SPEG: variants seen among roughly 807,000 people sequenced by gnomAD.
The protein encoded by SPEG is striated muscle enriched protein kinase.
A neutral mutation model predicts 300.4 loss-of-function variants in SPEG; 114 were observed. The ratio of observed to expected loss-of-function variants is 0.38; its 90% CI spans 0.33 to 0.44. The LOEUF (loss-of-function observed/expected upper bound fraction) is 0.44. Ranked by LOEUF, SPEG falls within the 20% of genes least tolerant of loss-of-function variation. SPEG has a pLI of 1.00. For synonymous variants in SPEG, 1,964 were observed against 2,018.9 expected (o/e 0.97, Z 0.73); for missense variants, 4,201 against 4,586.2 (o/e 0.92, Z 2.43).
chr2:219,437,646 G>A (rs1219463253), intron 1 of SPEG, among the ~76,000 whole-genome samples: 1 of 151,780 alleles, frequency 6.6e-6, no homozygotes, highest in Non-Finnish European at 1.5e-5. Flanking sequence ...GGAGGCCTCA[G>A]TCTGTCCCAC....
At position 219,477,381 on chromosome 2, in the gene SPEG, C is replaced by T; in HGVS notation, c.4665C>T (p.Tyr1555=). 1 of 1,611,162 alleles carries T rather than the reference C, an allele frequency of 6.2e-7. No individual in the cohort carries two copies. Among genetic ancestry groups the T allele is most frequent in the East Asian group, 2.2e-5 (1 of 44,836 alleles). ...LSTGAQDGGV[Y]TCTAQNLAGE... is the part of the protein sequence containing the mutation. The stretch of plus-strand genomic sequence containing the variant: ...CGGGGGCCCAGGATGGAGGCGTCTA[C>T]ACCTGCACCGCCCAGAACCTGGCGG... The change falls in exon 20 of 41, where the codon TAC becomes TAT. Residue 1555 remains tyrosine (Y), a synonymous_variant. Transcript: ENST00000312358. This position sits in a 1 kb window ranked among gnomAD's most constrained non-coding sequence, Gnocchi z 6.4.
At position 219,481,319 on chromosome 2, in the gene SPEG, C is replaced by T. The variant is rs1417880998; in HGVS notation, c.5385C>T (p.Ser1795=). ...VVAFLCLTGI[S]PFVGENDRTT... ...ACCCCTGCAGTCTGACAGGAATCTC[C>T]CCGTTTGTTGGGGAAAATGACCGGA... Residue 1795 remains serine (S), a synonymous_variant, in exon 27 of 41, where the codon TCC becomes TCT. Coordinates refer to ENST00000312358, the MANE Select transcript of SPEG (RefSeq NM_005876.5). The surrounding 1 kb of genome is among the most constrained non-coding windows in gnomAD (Gnocchi z 5.4). 1 of 1,614,032 alleles carries T rather than the reference C, an allele frequency of 6.2e-7. No individual in the cohort carries two copies. The highest frequency in any genetic ancestry group is 1.7e-5 in the Admixed American group (1 of 60,002).
Position 219,462,404 on chromosome 2 carries a change from C to A in SPEG, c.2705+18C>A. ...GTCTCCTGGTGAGTAGCCGCACTTT[C>A]CACCACCCACCAGCGACTCTATGCC... is the stretch of plus-strand genomic sequence containing the variant. On this transcript the variant is annotated intron_variant, in intron 8 of 40. Transcript: ENST00000312358. 6.5e-7 allele frequency: 1 copy of A among 1,544,360 alleles called. No homozygotes were observed. Among genetic ancestry groups the A allele is most frequent in the Non-Finnish European group, 8.8e-7 (1 of 1,140,540 alleles).
chr2:219,468,816 C>T, intron 11 of SPEG, 43 bp from the exon 12 acceptor site: 1 of 1,607,234 alleles, frequency 6.2e-7, no homozygotes, highest in South Asian at 1.1e-5. Flanking sequence ...GGGCAGGGCC[C>T]CTCACTGTGC....
rs559173597 is a variant in SPEG, at chr2:219,459,498, A to G, written c.2441-2384A>G. Among the ~76,000 whole-genome samples the G allele has an allele frequency of 6.6e-5, 10 of 152,226 alleles. No homozygotes were observed. Among genetic ancestry groups the G allele is most frequent in the Admixed American group, 2.6e-4 (4 of 15,304 alleles). ...TCTGGAAGAGGCCTGGGCTGCTCTG[A>G]CAGTCTGTCTCTCCAAGGGGCTTGA... On this transcript the variant is annotated intron_variant, in intron 6 of 40. Transcript: ENST00000312358. This position sits in a 1 kb window ranked among gnomAD's most constrained non-coding sequence, Gnocchi z 4.9.
Position 219,444,079 on chromosome 2 carries a change from T to G in SPEG, c.389-574T>G, listed in dbSNP as rs373806192. On this transcript the variant is annotated intron_variant, in intron 1 of 40. Coordinates refer to ENST00000312358, the MANE Select transcript of SPEG (RefSeq NM_005876.5). This position sits in a 1 kb window ranked among gnomAD's most constrained non-coding sequence, Gnocchi z 7.8. Reference sequence around the variant, plus strand: ...GTTACGGTAGGAAACTGGCTCCTGCTCTAGCCCCCCGCATCCCCCCCTTTC... The same window carrying G: ...GTTACGGTAGGAAACTGGCTCCTGCGCTAGCCCCCCGCATCCCCCCCTTTC... The G allele has an allele frequency of 2.9e-6, 4 of 1,362,674 alleles. No homozygotes were observed. The highest frequency in any genetic ancestry group is 3.9e-6 in the Non-Finnish European group (4 of 1,020,236). 84.4% of individuals were successfully genotyped at this position (1,362,674 alleles called of 1,614,324 possible).
chr2:219,484,824 G>A lies in SPEG; in HGVS notation c.7361G>A (p.Arg2454His), dbSNP rs1331440025. The A allele has an allele frequency of 6.7e-7, 1 of 1,501,790 alleles. No homozygotes were observed. The highest frequency in any genetic ancestry group is 2.1e-5 in the Admixed American group (1 of 47,074). The allele number at this position is 1,501,790 out of a possible 1,614,324, so 93.0% of individuals were successfully genotyped here. A position where few individuals can be genotyped will look rare whatever the true frequency, so the allele number is the denominator to read the frequency against. ...CGGGGCTCCCCGGTGCTGGCGATGC[G>A]CAGGCGGCTGAGCTTCACCCTGGAG... ...SARGSPVLAMRRRLSFTLERL... is the reference protein window; with the variant it reads ...SARGSPVLAMHRRLSFTLERL... The change falls in exon 30 of 41, where the codon CGC (arginine) becomes CAC (histidine). Residue 2454 changes from arginine to histidine, a missense_variant. Arg to His is a conservative substitution (Grantham distance 29, BLOSUM62 0). This residue lies in a region of SPEG where 1,578 missense variants were observed against 1,506.0 expected (regional missense o/e 1.05). Transcript: ENST00000312358.
At position 219,484,743 on chromosome 2, in the gene SPEG, C is replaced by G; in HGVS notation, c.7280C>G (p.Pro2427Arg). The change falls in exon 30 of 41, where the codon CCG becomes CGG. Residue 2427 changes from proline (P) to arginine (R), a missense_variant. Physicochemically the swap from Pro to Arg is moderately radical, Grantham distance 103. Coordinates refer to ENST00000312358, the MANE Select transcript of SPEG (RefSeq NM_005876.5). Reference protein sequence around the residue: ...LRRTPPAQRHPAWEARGGDGE... With the variant: ...LRRTPPAQRHRAWEARGGDGE... The stretch of plus-strand genomic sequence containing the variant: ...CGGACCCCTCCCGCGCAGCGCCACC[C>G]GGCCTGGGAGGCCCGCGGCGGGGAC... 1 of 1,471,660 alleles carries G rather than the reference C, an allele frequency of 6.8e-7. No individual in the cohort carries two copies. The highest frequency in any genetic ancestry group is 8.9e-7 in the Non-Finnish European group (1 of 1,123,476). 91.2% of individuals were successfully genotyped at this position (1,471,660 alleles called of 1,614,324 possible). A position where few individuals can be genotyped will look rare whatever the true frequency, so the allele number is the denominator to read the frequency against.
chr2:219,490,545 G>A lies in SPEG; in HGVS notation c.9058G>A (p.Glu3020Lys), dbSNP rs368875454. ...EYEVLRTLHH[E>K]RIMSLHEAYI... ...CGAGGTGCTGCGGACCCTGCACCAC[G>A]AGCGGATCATGTCCCTGCACGAGGC... Residue 3020 changes from glutamate to lysine, a missense_variant, in exon 37 of 41, where the codon GAG becomes AAG. Transcript: ENST00000312358. The A allele has an allele frequency of 1.4e-5, 23 of 1,613,532 alleles. No homozygotes were observed. The highest frequency in any genetic ancestry group is 1.2e-4 in the South Asian group (11 of 91,088).
intron 6 of SPEG, chr2:219,460,688 C>G: frequency 1.0e-6 from 1 of 985,548 alleles, no homozygotes; most frequent in Non-Finnish European, 1.2e-6. Flanking sequence ...CTCTCCTCCC[C>G]CTCCACACCA....
In SPEG at chr2:219,490,555, T is replaced by C; in HGVS notation, c.9068T>C (p.Met3023Thr). The C allele has an allele frequency of 6.2e-7, 1 of 1,613,902 alleles. No individual in the cohort carries two copies. Among genetic ancestry groups the C allele is most frequent in the Non-Finnish European group, 8.5e-7 (1 of 1,180,022 alleles). ...CGGACCCTGCACCACGAGCGGATCATGTCCCTGCACGAGGCCTACATCACC... is the reference window on the plus strand; with the variant it reads ...CGGACCCTGCACCACGAGCGGATCACGTCCCTGCACGAGGCCTACATCACC... ...VLRTLHHERI[M>T]SLHEAYITPR... Residue 3023 changes from methionine (M) to threonine (T), a missense_variant, in exon 37 of 41, where the codon ATG becomes ACG. Met to Thr is a moderately conservative substitution (Grantham distance 81). Coordinates refer to ENST00000312358, the MANE Select transcript of SPEG (RefSeq NM_005876.5).
In SPEG at chr2:219,435,290, G is replaced by A; in HGVS notation, c.313G>A (p.Val105Met). 6.6e-7 allele frequency: 1 copy of A among 1,518,256 alleles called. No individual in the cohort carries two copies. The highest frequency in any genetic ancestry group is 8.8e-7 in the Non-Finnish European group (1 of 1,140,698). The allele number at this position is 1,518,256 out of a possible 1,614,324, so 94.0% of individuals were successfully genotyped here. ...GCGCTGCGGGGCGCAGGACGCCGGCGTGTACAGCTGCATGGCCCAGAACGA... is the reference window on the plus strand; with the variant it reads ...GCGCTGCGGGGCGCAGGACGCCGGCATGTACAGCTGCATGGCCCAGAACGA... ...LRRCGAQDAGVYSCMAQNERG... is the reference protein window; with the variant it reads ...LRRCGAQDAGMYSCMAQNERG... Residue 105 changes from valine (V) to methionine (M), a missense_variant, in exon 1 of 41, where the codon GTG becomes ATG. Coordinates refer to ENST00000312358, the MANE Select transcript of SPEG (RefSeq NM_005876.5).
At position 219,448,673 on chromosome 2, in the gene SPEG, G is replaced by A. The variant is rs1278739495; in HGVS notation, c.1515G>A (p.Thr505=). 1 of 1,492,378 alleles carries A rather than the reference G, an allele frequency of 6.7e-7. No homozygotes were observed. Among genetic ancestry groups the A allele is most frequent in the Middle Eastern group, 2.3e-4 (1 of 4,270 alleles). The allele number at this position is 1,492,378 out of a possible 1,614,324, so 92.4% of individuals were successfully genotyped here. A position where few individuals can be genotyped will look rare whatever the true frequency, so the allele number is the denominator to read the frequency against. The change falls in exon 4 of 41, where the codon ACG becomes ACA. Residue 505 remains threonine (T), a synonymous_variant. Transcript: ENST00000312358. The part of the protein sequence containing the change: ...AQELGRIRRS[T]SREELVRSHE... Reference sequence around the variant, plus strand: ...AGCTGGGCCGCATCCGCCGCTCCACGTCGCGGGAGGAGCTGGTGCGCTCGC... The same window carrying A: ...AGCTGGGCCGCATCCGCCGCTCCACATCGCGGGAGGAGCTGGTGCGCTCGC...
Position 219,480,184 on chromosome 2 carries a change from T to C in SPEG, c.5342+44T>C, listed in dbSNP as rs1692703127. On this transcript the variant is annotated intron_variant, in intron 25 of 40. Coordinates refer to ENST00000312358, the MANE Select transcript of SPEG (RefSeq NM_005876.5). This position sits in a 1 kb window ranked among gnomAD's most constrained non-coding sequence, Gnocchi z 5.3. ...GCTGGGCCGACCAGGGCAGCTGCCC[T>C]TGGGGCTGTGCTGGGGACGCGCTCA... 1 of 1,600,862 alleles carries C rather than the reference T, an allele frequency of 6.2e-7. No individual in the cohort carries two copies. The highest frequency in any genetic ancestry group is 8.5e-7 in the Non-Finnish European group (1 of 1,170,434).
chr2:219,449,300 G>T (rs1162435847), intron 4 of SPEG, 29 bp downstream of exon 4: 5 of 1,354,486 alleles, frequency 3.7e-6, no homozygotes, highest in Non-Finnish European at 4.8e-6. Flanking sequence ...CTGACAAGGT[G>T]CCTGAACCCC....
intron 31 of SPEG, among the ~76,000 whole-genome samples, chr2:219,486,763 G>A (rs1444310526): frequency 6.6e-6 from 1 of 152,088 alleles, no homozygotes; most frequent in Non-Finnish European, 1.5e-5. Flanking sequence ...GGGGCTGGCA[G>A]GGCTGGGCCC....
intron 10 of SPEG, 94 bp downstream of exon 10, chr2:219,467,528 C>A: frequency 1.4e-6 from 2 of 1,439,748 alleles, no homozygotes; most frequent in Non-Finnish European, 1.9e-6. Context: ...GGAAACAGAG[C>A]TCCAACCCCG....
At chr2:219,487,896 C>G (rs1234698344) in intron 31 of SPEG, among the ~76,000 whole-genome samples, 1 of 152,212 alleles carries the variant, frequency 6.6e-6, no homozygotes, top group Non-Finnish European at 1.5e-5. Flanking sequence ...AGACCACTTA[C>G]TTAGTGCCAG....
In SPEG at chr2:219,484,265, C is replaced by A; in HGVS notation, c.6802C>A (p.Pro2268Thr). 6.2e-7 allele frequency: 1 copy of A among 1,609,748 alleles called. No homozygotes were observed. ...AQGPSQGPAA[P>T]PSEPKPHAAV... ...GGGCCCCTCGCAGGGCCCTGCCGCGCCGCCTTCAGAGCCCAAGCCCCACGC... is the reference window on the plus strand; with the variant it reads ...GGGCCCCTCGCAGGGCCCTGCCGCGACGCCTTCAGAGCCCAAGCCCCACGC... Residue 2268 changes from proline to threonine, a missense_variant, in exon 30 of 41, where the codon CCG becomes ACG. By Grantham distance (38) the Pro-to-Thr change is conservative. Around this residue, in one of 4 missense-constraint regions of SPEG, gnomAD observed 1,578 missense variants for 1,506.0 expected, o/e 1.05. Transcript: ENST00000312358.
Sources: allele counts gnomAD v4.1 joint callset (sites outside exome capture counted in the v4.1 genomes callset), GRCh38; gene constraint gnomAD v4.1.1; regional missense constraint gnomAD v4.1.1; non-coding constraint Gnocchi (gnomAD v3.1); transcripts MANE v1.5; gene names NCBI Gene and HGNC (gene_info 2026-07-23, HGNC 2026-07-21).